NHS: variants seen among roughly 807,000 people sequenced by gnomAD.
NHS encodes the protein actin remodeling regulator NHS.
In NHS, 5 loss-of-function variants were observed where a neutral mutation model predicts 72.5. That is an observed-to-expected ratio of 0.07 (90% CI 0.04 to 0.14). The LOEUF is 0.14. Among genes scored for constraint, NHS ranks in the 10% least tolerant of loss-of-function variants. The pLI, the probability that NHS is intolerant of heterozygous loss-of-function variation, is 1.00. For synonymous variants in NHS, 464 were observed against 547.7 expected (o/e 0.85, Z 2.13); for missense variants, 1,072 against 1,355.7 (o/e 0.79, Z 3.29).
intron 1 of NHS, among the ~76,000 whole-genome samples, chrX:17,406,942 C>T (rs2064532082): frequency 8.9e-6 from 1 of 111,915 alleles, no homozygotes; most frequent in Non-Finnish European, 1.9e-5. Context: ...CTCACAGAAC[C>T]TAACACCAAA....
chrX:17,417,940 G>T (rs1421912172), intron 1 of NHS, among the ~76,000 whole-genome samples: 1 of 112,040 alleles, frequency 8.9e-6, no homozygotes, highest in East Asian at 2.8e-4. Flanking sequence ...TCCATTTGCA[G>T]CCACATTTGG....
At chrX:17,529,604 T>C (rs1357673193) in intron 1 of NHS, among the ~76,000 whole-genome samples, 1 of 111,689 alleles carries the variant, frequency 9.0e-6, no homozygotes. Context: ...ACATTCCCAG[T>C]GCAGACAACA....
intron 1 of NHS, among the ~76,000 whole-genome samples, chrX:17,427,657 C>G (rs1227037460): frequency 8.9e-6 from 1 of 112,251 alleles, no homozygotes; most frequent in Non-Finnish European, 1.9e-5. Flanking sequence ...GGGATTAACT[C>G]CAAAGCAGAA....
At chrX:17,406,507 T>C (rs750579134) in intron 1 of NHS, among the ~76,000 whole-genome samples, 11 of 111,595 alleles carry the variant, frequency 9.9e-5, no homozygotes, top group Non-Finnish European at 1.9e-4. Context: ...CCCCTTCGAT[T>C]GTTGGTGGAG....
chrX:17,619,805 C>T lies in NHS; in HGVS notation c.566-67937C>T, dbSNP rs148665991. On this transcript the variant is annotated intron_variant, in intron 1 of 8. Coordinates refer to ENST00000676302, the MANE Select transcript of NHS (RefSeq NM_001291867.2). ...CTCTGAGAAACCTTTTCTAACCCCA[C>T]TCATGTCTGGGTTGCTTGCCTCCCA... 2.1e-3 allele frequency among the ~76,000 whole-genome samples: 240 copies of T among 111,732 alleles called. 4 individuals are homozygous for T. The highest frequency in any genetic ancestry group is 7.3e-3 in the African/African-American group (224 of 30,523).
chrX:17,538,098 A>G, intron 1 of NHS, among the ~76,000 whole-genome samples: 1 of 111,533 alleles, frequency 9.0e-6, no homozygotes, highest in Middle Eastern at 4.6e-3. Context: ...GAGAGGAGAG[A>G]GGGTGGAATT....
chrX:17,491,505 T>C (rs1028182167), intron 1 of NHS, among the ~76,000 whole-genome samples: 3 of 111,863 alleles, frequency 2.7e-5, no homozygotes, highest in African/African-American at 9.8e-5. Context: ...TTTGATGTGC[T>C]GCTGGATTCG....
At chrX:17,430,312 TTTC>T (rs2064686924) in intron 1 of NHS, among the ~76,000 whole-genome samples, 1 of 77,908 alleles carries the variant, frequency 1.3e-5, no homozygotes. Flanking sequence ...TCTTTCTTTC[TTTC>T]CTTTCTTTCT....
In NHS at chrX:17,666,018, T is replaced by A. The variant is rs567783803; in HGVS notation, c.566-21724T>A. ...GAGATTGGCTAGACAAGGAGGGGAG[T>A]CCTGGGGAAAGAATGGTGTGAGAAA... On this transcript the variant is annotated intron_variant, in intron 1 of 8. Transcript: ENST00000676302. 1.7e-4 allele frequency among the ~76,000 whole-genome samples: 19 copies of A among 110,017 alleles called. No homozygotes were observed. In the South Asian group the frequency reaches 7.0e-3, roughly 41 times the overall value.
intron 1 of NHS, among the ~76,000 whole-genome samples, chrX:17,535,465 G>A (rs1011875736): frequency 2.2e-4 from 25 of 111,738 alleles, no homozygotes; most frequent in African/African-American, 8.1e-4. Flanking sequence ...GATATTTCTC[G>A]TCTGCTCTAG....
chrX:17,468,810 C>A (rs969994907), intron 1 of NHS, among the ~76,000 whole-genome samples: 1 of 111,715 alleles, frequency 9.0e-6, no homozygotes, highest in Non-Finnish European at 1.9e-5. Context: ...TTGCTTTGGC[C>A]TCCCAAAGTG....
At chrX:17,712,276 T>C (rs1463481304) in intron 3 of NHS, among the ~76,000 whole-genome samples, 4 of 81,023 alleles carry the variant, frequency 4.9e-5, no homozygotes, top group African/African-American at 8.8e-5. Flanking sequence ...TATATATATA[T>C]ATATATATAT....
At position 17,539,196 on chromosome X, in the gene NHS, C is replaced by G. The variant is rs1225796200; in HGVS notation, c.566-148546C>G. ...TGCCTGGAATGCTTTCCCCTGAAAG[C>G]ATGGCTCTGGCTCTTTCCTCTTTAG... is the stretch of plus-strand genomic sequence containing the variant. On this transcript the variant is annotated intron_variant, in intron 1 of 8. Transcript: ENST00000676302. Among the ~76,000 whole-genome samples the G allele has an allele frequency of 2.7e-5, 3 of 111,584 alleles. No homozygotes were observed. In the East Asian group the frequency reaches 8.6e-4, roughly 32 times the overall value.
chrX:17,622,761 G>C (rs1056012126), intron 1 of NHS, among the ~76,000 whole-genome samples: 2 of 111,355 alleles, frequency 1.8e-5, no homozygotes, highest in Non-Finnish European at 3.8e-5. Flanking sequence ...GACGATGGGT[G>C]CTGCAGGCCA....
intron 1 of NHS, among the ~76,000 whole-genome samples, chrX:17,483,684 C>T (rs2064956237): frequency 9.0e-6 from 1 of 110,801 alleles, no homozygotes; most frequent in Admixed American, 9.7e-5. Flanking sequence ...CTAACTCAGC[C>T]ATGGTCACAT....
chrX:17,623,360 G>A (rs1029246530), intron 1 of NHS, among the ~76,000 whole-genome samples: 3 of 111,905 alleles, frequency 2.7e-5, no homozygotes, highest in Non-Finnish European at 5.6e-5. Flanking sequence ...TCTTCTTCCT[G>A]GACACACGGC....
intron 1 of NHS, among the ~76,000 whole-genome samples, chrX:17,640,875 C>T (rs1186610150): frequency 8.9e-6 from 1 of 112,330 alleles, no homozygotes; most frequent in African/African-American, 3.2e-5. Flanking sequence ...ATTCTGCATC[C>T]CAACTAATAC....
At chrX:17,552,390 A>G (rs1335641263) in intron 1 of NHS, 1 of 112,004 alleles carries the variant, frequency 8.9e-6, no homozygotes, top group Non-Finnish European at 1.9e-5. Flanking sequence ...CACAGAGCAC[A>G]AGGTCTAGAG....
At chrX:17,443,065 G>A (rs2064763586) in intron 1 of NHS, among the ~76,000 whole-genome samples, 1 of 112,008 alleles carries the variant, frequency 8.9e-6, no homozygotes. Context: ...CAGACCACAG[G>A]ATTCATTAAG....
Sources: gnomAD v4.1 joint callset for allele counts (sites outside exome capture counted in the v4.1 genomes callset) on GRCh38, gnomAD v4.1.1 for gene constraint, MANE v1.5 for transcripts, NCBI Gene and HGNC (gene_info 2026-07-23, HGNC 2026-07-21) for gene names.